DNAH5: variants seen among roughly 807,000 people sequenced by gnomAD.
The protein encoded by DNAH5 is dynein axonemal heavy chain 5, also known as axonemal beta dynein heavy chain 5.
DNAH5 carries 372 observed loss-of-function variants against 518.2 expected under a neutral mutation model. The ratio of observed to expected loss-of-function variants is 0.72; its 90% CI spans 0.66 to 0.78. DNAH5 has a LOEUF of 0.78. DNAH5 is among the 30% of genes least tolerant of loss of function. DNAH5 has a pLI of 0.00. For synonymous variants in DNAH5, 2,039 were observed against 2,025.9 expected (o/e 1.01, Z -0.17); for missense variants, 5,523 against 5,687.0 (o/e 0.97, Z 0.93).
intron 9 of DNAH5, 82 bp from the exon 10 acceptor site, chr5:13,914,724 T>C (rs999238128): frequency 1.1e-5 from 15 of 1,382,764 alleles, no homozygotes; most frequent in Non-Finnish European, 1.5e-5. Context: ...TTAACTCTTC[T>C]ACTTCTCAGA....
intron 65 of DNAH5, among the ~76,000 whole-genome samples, chr5:13,739,031 G>A (rs1748006188): frequency 6.6e-6 from 1 of 152,062 alleles, no homozygotes; most frequent in South Asian, 2.1e-4. Flanking sequence ...CAAAATCACA[G>A]GAGCTTTACC....
At chr5:13,916,056 G>C (rs143085495) in intron 9 of DNAH5, among the ~76,000 whole-genome samples, 2 of 151,918 alleles carry the variant, frequency 1.3e-5, no homozygotes, top group African/African-American at 4.8e-5. Flanking sequence ...AGGAATACAT[G>C]ATGTGCTAAA....
intron 30 of DNAH5, among the ~76,000 whole-genome samples, chr5:13,851,042 T>C (rs562706625): frequency 6.6e-6 from 1 of 152,204 alleles, no homozygotes; most frequent in Non-Finnish European, 1.5e-5. Context: ...GTACTCCCAT[T>C]ATGTTAAGTT....
At chr5:13,941,226 T>C (rs776875306) in intron 1 of DNAH5, among the ~76,000 whole-genome samples, 4 of 152,154 alleles carry the variant, frequency 2.6e-5, no homozygotes, top group Admixed American at 6.5e-5. Context: ...GATGCGGGGA[T>C]GCATGCCTAT....
At chr5:13,846,284 G>A (rs1350222129) in intron 31 of DNAH5, among the ~76,000 whole-genome samples, 3 of 152,058 alleles carry the variant, frequency 2.0e-5, no homozygotes, top group African/African-American at 4.8e-5. Context: ...TCACCCTCCT[G>A]CCACCTCCAC....
intron 47 of DNAH5, among the ~76,000 whole-genome samples, chr5:13,798,462 G>A (rs543973001): frequency 2.6e-5 from 4 of 152,154 alleles, no homozygotes; most frequent in Non-Finnish European, 4.4e-5. Flanking sequence ...ATAACTGTAG[G>A]AATCCACTAA....
At chr5:13,927,328 C>T (rs1287326060) in intron 3 of DNAH5, among the ~76,000 whole-genome samples, 1 of 152,006 alleles carries the variant, frequency 6.6e-6, no homozygotes, top group Non-Finnish European at 1.5e-5. Flanking sequence ...CCCGTCTCTA[C>T]TGAAAATACA....
intron 55 of DNAH5, among the ~76,000 whole-genome samples, chr5:13,773,237 A>C (rs914272254): frequency 2.0e-5 from 3 of 152,224 alleles, no homozygotes; most frequent in Admixed American, 6.5e-5. Flanking sequence ...AAACGATTTA[A>C]ATGTGCAGGT....
intron 47 of DNAH5, among the ~76,000 whole-genome samples, chr5:13,796,730 C>T (rs1463461620): frequency 1.3e-5 from 2 of 152,094 alleles, no homozygotes; most frequent in Admixed American, 1.3e-4. Context: ...CAAAAAAGAG[C>T]CCACATTGCC....
At chr5:13,823,904 G>C (rs1420161618) in intron 39 of DNAH5, among the ~76,000 whole-genome samples, 1 of 152,128 alleles carries the variant, frequency 6.6e-6, no homozygotes, top group East Asian at 1.9e-4. Flanking sequence ...GACTCCAAAG[G>C]TGAGATTTGA....
At position 13,859,542 on chromosome 5, in the gene DNAH5, G is replaced by A. The variant is rs139447802; in HGVS notation, c.4860C>T (p.Asp1620=). The part of the protein sequence containing the change: ...KWVQYLSNST[D]IIESWMTVQN... Reference sequence around the variant, plus strand: ...GCACCGTCATCCAGCTCTCGATGATGTCTGTTGAGTTGGAAAGGTACTGCA... The same window carrying A: ...GCACCGTCATCCAGCTCTCGATGATATCTGTTGAGTTGGAAAGGTACTGCA... The change falls in exon 30 of 79, where the codon GAC becomes GAT. Residue 1620 remains aspartate, a synonymous_variant. Transcript: ENST00000265104. The A allele has an allele frequency of 1.1e-4, 183 of 1,613,920 alleles. No homozygotes were observed. The highest frequency in any genetic ancestry group is 1.4e-4 in the Non-Finnish European group (170 of 1,179,916).
At position 13,923,881 on chromosome 5, in the gene DNAH5, T is replaced by TA. The variant is rs545737815; in HGVS notation, c.278-442dup. On this transcript the variant is annotated intron_variant, in intron 3 of 78. Coordinates refer to ENST00000265104, the MANE Select transcript of DNAH5 (RefSeq NM_001369.3). ...CAACGTGATGAAACCCTGTCTCTAC[T>TA]AAAAAAAAACAAAAATTAGCTGGGC... 2.1e-3 allele frequency among the ~76,000 whole-genome samples: 317 copies of TA among 150,230 alleles called. 1 individual carries two copies. Among genetic ancestry groups the TA allele is most frequent in the African/African-American group, 4.8e-3 (196 of 40,922 alleles).
intron 74 of DNAH5, among the ~76,000 whole-genome samples, chr5:13,715,549 T>A (rs1399649347): frequency 6.6e-6 from 1 of 152,256 alleles, no homozygotes. Context: ...TCATTACATT[T>A]GTATATCAAA....
At chr5:13,879,970 A>G (rs970958569) in intron 21 of DNAH5, among the ~76,000 whole-genome samples, 7 of 152,200 alleles carry the variant, frequency 4.6e-5, no homozygotes, top group Admixed American at 3.9e-4. Context: ...GACATTAAAT[A>G]AGATTAATTC....
chr5:13,914,760 G>C, intron 9 of DNAH5, 118 bp from the exon 10 acceptor site: 3 of 1,062,046 alleles, frequency 2.8e-6, no homozygotes, highest in Non-Finnish European at 4.1e-6. Flanking sequence ...ACTTGAGCTT[G>C]GGTTTATTTT....
intron 2 of DNAH5, among the ~76,000 whole-genome samples, chr5:13,928,674 A>G (rs1778118901): frequency 6.6e-6 from 1 of 152,236 alleles, no homozygotes; most frequent in South Asian, 2.1e-4. Flanking sequence ...TAAGAGTCCC[A>G]TCCCTGAGGC....
At chr5:13,835,899 C>T (rs1480324408) in intron 35 of DNAH5, among the ~76,000 whole-genome samples, 1 of 152,124 alleles carries the variant, frequency 6.6e-6, no homozygotes, top group Admixed American at 6.5e-5. Context: ...CTCCAGTCAT[C>T]GGAGCCATAC....
intron 1 of DNAH5, among the ~76,000 whole-genome samples, chr5:13,944,144 A>C (rs1319763431): frequency 2.0e-5 from 3 of 152,224 alleles, no homozygotes; most frequent in African/African-American, 7.2e-5. Flanking sequence ...TGCAGCATGA[A>C]TTTCTAGGTG....
chr5:13,852,874 G>C (rs116301316), intron 30 of DNAH5, among the ~76,000 whole-genome samples: 1,538 of 152,302 alleles, frequency 0.01, 23 homozygotes, highest in African/African-American at 0.034. Context: ...CCTCAGTCAA[G>C]GCTTATAGAT....
Sources: allele counts gnomAD v4.1 joint callset (sites outside exome capture counted in the v4.1 genomes callset), GRCh38; gene constraint gnomAD v4.1.1; transcripts MANE v1.5; gene names NCBI Gene and HGNC (gene_info 2026-07-23, HGNC 2026-07-21).